Variants in AMPH observed in about 807,000 individuals in gnomAD.
AMPH encodes amphiphysin (Stiff-Mann syndrome with breast cancer 128kD autoantigen).
In AMPH, 49 loss-of-function variants were observed where a neutral mutation model predicts 99.1. That is an observed-to-expected ratio of 0.49 (90% CI 0.39 to 0.63). The LOEUF is 0.63. Among genes scored for constraint, AMPH ranks in the 20% least tolerant of loss-of-function variants. AMPH has a pLI of 0.00. For missense variants in AMPH, 759 were observed against 863.4 expected (o/e 0.88, Z 1.52); for synonymous variants, 314 against 317.3 (o/e 0.99, Z 0.11).
At chr7:38,503,501 G>A in intron 3 of AMPH, 149 bp downstream of exon 3, 3 of 540,364 alleles carry the variant, frequency 5.6e-6, no homozygotes, top group Admixed American at 3.3e-5. Flanking sequence ...GGGGCGGGGG[G>A]GTGGGTGGTG....
intron 1 of AMPH, among the ~76,000 whole-genome samples, chr7:38,618,087 A>C (rs1793934900): frequency 6.6e-6 from 1 of 152,188 alleles, no homozygotes; most frequent in African/African-American, 2.4e-5. Flanking sequence ...TGAGTTAATA[A>C]TTGTTTATTA....
chr7:38,527,136 C>T (rs1011778615), intron 2 of AMPH, among the ~76,000 whole-genome samples: 3 of 152,216 alleles, frequency 2.0e-5, no homozygotes, highest in Admixed American at 6.5e-5. Flanking sequence ...TATCTCTCTG[C>T]CAATACAATG....
At chr7:38,392,354 A>C (rs999061883) in intron 18 of AMPH, among the ~76,000 whole-genome samples, 3 of 136,174 alleles carry the variant, frequency 2.2e-5, no homozygotes, top group African/African-American at 8.3e-5. Context: ...TTGCAGGAGG[A>C]GTCAATGCAG....
intron 2 of AMPH, among the ~76,000 whole-genome samples, chr7:38,512,351 G>A (rs372189692): frequency 6.6e-6 from 1 of 152,096 alleles, no homozygotes; most frequent in South Asian, 2.1e-4. Context: ...AACCATTTCC[G>A]ATAGTCTCCC....
intron 1 of AMPH, among the ~76,000 whole-genome samples, chr7:38,597,540 A>G (rs1793103421): frequency 6.6e-6 from 1 of 152,208 alleles, no homozygotes; most frequent in Non-Finnish European, 1.5e-5. Context: ...CTTAAGCAGA[A>G]TTAAATACTG....
intron 17 of AMPH, among the ~76,000 whole-genome samples, chr7:38,414,661 CAT>C (rs1228797071): frequency 1.3e-4 from 19 of 147,638 alleles, no homozygotes; most frequent in Middle Eastern, 3.4e-3. Flanking sequence ...ATATTGAAAT[CAT>C]ATTGAATTTT....
chr7:38,391,912 C>G lies in AMPH; in HGVS notation c.1714G>C (p.Ala572Pro), dbSNP rs144661060. Reference protein sequence around the residue: ...GAEPKETTEDAAPPGPTSETP... With the variant: ...GAEPKETTEDPAPPGPTSETP... ...TCGCTGGTGGGGCCCGGAGGAGCCGCGTCCTCGGTGGTCTCCTTGGGCTCT... is the reference window on the plus strand; with the variant it reads ...TCGCTGGTGGGGCCCGGAGGAGCCGGGTCCTCGGTGGTCTCCTTGGGCTCT... Residue 572 changes from alanine to proline, a missense_variant, in exon 19 of 21, where the codon GCG becomes CCG. By Grantham distance (27) the Ala-to-Pro change is conservative. Coordinates refer to ENST00000356264, the MANE Select transcript of AMPH (RefSeq NM_001635.4). 6.2e-7 allele frequency: 1 copy of G among 1,612,526 alleles called. No individual in the cohort carries two copies. Among genetic ancestry groups the G allele is most frequent in the Non-Finnish European group, 8.5e-7 (1 of 1,179,822 alleles).
intron 2 of AMPH, among the ~76,000 whole-genome samples, chr7:38,534,466 A>G (rs1030623737): frequency 6.6e-6 from 1 of 152,148 alleles, no homozygotes; most frequent in Non-Finnish European, 1.5e-5. Context: ...CGAGTCCAGG[A>G]GTTCAAGACT....
At chr7:38,458,911 TAAG>T (rs1787336001) in intron 11 of AMPH, among the ~76,000 whole-genome samples, 2 of 152,198 alleles carry the variant, frequency 1.3e-5, no homozygotes, top group East Asian at 1.9e-4. Flanking sequence ...TCAAATTGGA[TAAG>T]AAGAAGCCAA....
chr7:38,444,987 A>ATC, intron 11 of AMPH, among the ~76,000 whole-genome samples: 1 of 7,164 alleles, frequency 1.4e-4, no homozygotes, highest in African/African-American at 5.4e-4. Flanking sequence ...ATCCATATAT[A>ATC]TACATATATA....
chr7:38,629,062 G>A lies in AMPH; in HGVS notation c.69+2221C>T, dbSNP rs114750950. The stretch of plus-strand genomic sequence containing the variant: ...GGGACATATATGGTCTATAGTTATT[G>A]GGATGAAGAGTCTTCTCTGGAGAAG... On this transcript the variant is annotated intron_variant, in intron 1 of 20. Transcript: ENST00000356264. Among the ~76,000 whole-genome samples the A allele has an allele frequency of 7.9e-3, 1,204 of 152,288 alleles. 17 individuals are homozygous for A. The highest frequency in any genetic ancestry group is 0.027 in the African/African-American group (1,124 of 41,532).
chr7:38,452,565 C>T lies in AMPH; in HGVS notation c.1017+8718G>A, dbSNP rs1047113535. Among the ~76,000 whole-genome samples the T allele has an allele frequency of 2.6e-5, 4 of 152,284 alleles. No homozygotes were observed. In the East Asian group the frequency reaches 5.8e-4, roughly 22 times the overall value. ...ATGTGTATGTGTATGTGTCCAACTACCCTAAATATGGAAGACTTTGAGTCA... is the reference window on the plus strand; with the variant it reads ...ATGTGTATGTGTATGTGTCCAACTATCCTAAATATGGAAGACTTTGAGTCA... On this transcript the variant is annotated intron_variant, in intron 11 of 20. Transcript: ENST00000356264.
chr7:38,508,354 A>AAT (rs1789411002), intron 2 of AMPH, among the ~76,000 whole-genome samples: 1 of 152,266 alleles, frequency 6.6e-6, no homozygotes, highest in African/African-American at 2.4e-5. Context: ...ATAGGAGTTT[A>AAT]ATACCTGTTA....
At chr7:38,481,391 A>G (rs1788277731) in intron 5 of AMPH, among the ~76,000 whole-genome samples, 1 of 152,222 alleles carries the variant, frequency 6.6e-6, no homozygotes, top group African/African-American at 2.4e-5. Flanking sequence ...CTGAACCTCT[A>G]TAGTTAAAAA....
intron 12 of AMPH, 152 bp from the exon 13 acceptor site, chr7:38,432,364 C>T: frequency 1.5e-6 from 1 of 664,500 alleles, no homozygotes; most frequent in Non-Finnish European, 2.6e-6. Flanking sequence ...GGAAATGATC[C>T]ATATCTGTGC....
chr7:38,505,811 A>G (rs1170504292), intron 2 of AMPH, among the ~76,000 whole-genome samples: 2 of 152,150 alleles, frequency 1.3e-5, no homozygotes, highest in Non-Finnish European at 2.9e-5. Context: ...TCCCCTACTA[A>G]ATATCCATTA....
intron 1 of AMPH, among the ~76,000 whole-genome samples, chr7:38,588,770 G>C (rs573006542): frequency 1.3e-5 from 2 of 152,132 alleles, no homozygotes; most frequent in Admixed American, 1.3e-4. Context: ...AACTGGCTTT[G>C]ATTCTAAATG....
chr7:38,620,636 A>T (rs1584315070), intron 1 of AMPH, among the ~76,000 whole-genome samples: 1 of 151,838 alleles, frequency 6.6e-6, no homozygotes, highest in Non-Finnish European at 1.5e-5. Flanking sequence ...TCCAAATGCA[A>T]TTAAGACTTT....
At chr7:38,409,601 G>T (rs1046279353) in intron 17 of AMPH, among the ~76,000 whole-genome samples, 1 of 151,956 alleles carries the variant, frequency 6.6e-6, no homozygotes, top group Non-Finnish European at 1.5e-5. Flanking sequence ...TCTAATAAAG[G>T]AATTTAGTGG....
Sources: gnomAD v4.1 joint callset for allele counts (sites outside exome capture counted in the v4.1 genomes callset) on GRCh38, gnomAD v4.1.1 for gene constraint, MANE v1.5 for transcripts, NCBI Gene and HGNC (gene_info 2026-07-23, HGNC 2026-07-21) for gene names.